The following CNTNAP4 variants were observed in gnomAD, a reference collection of about 807,000 sequenced individuals.
The protein encoded by CNTNAP4 is contactin associated protein family member 4.
CNTNAP4 carries 98 observed loss-of-function variants against 148.4 expected under a neutral mutation model. The observed-to-expected ratio is 0.66, with a 90% CI of 0.56 to 0.78. The LOEUF is 0.78. Ranked by LOEUF, CNTNAP4 falls within the 30% of genes least tolerant of loss-of-function variation. CNTNAP4 has a pLI of 0.00. For missense variants in CNTNAP4, 1,935 were observed against 1,565.6 expected, an observed-to-expected ratio of 1.24 and a Z score of -3.98; for synonymous variants, 730 against 565.1, an observed-to-expected ratio of 1.29 and a Z score of -4.14.
At chr16:76,545,207 A>C (rs2084658511) in intron 21 of CNTNAP4, among the ~76,000 whole-genome samples, 1 of 152,198 alleles carries the variant, frequency 6.6e-6, no homozygotes, top group Non-Finnish European at 1.5e-5. Flanking sequence ...TTTAATAATT[A>C]AAATGTCATA....
chr16:76,352,105 G>T (rs1012799065), intron 2 of CNTNAP4, among the ~76,000 whole-genome samples: 3 of 152,008 alleles, frequency 2.0e-5, no homozygotes, highest in Non-Finnish European at 4.4e-5. Flanking sequence ...GACATTATAG[G>T]GGCATTTCAT....
chr16:76,503,140 A>T (rs2082716154), intron 15 of CNTNAP4, among the ~76,000 whole-genome samples: 1 of 152,204 alleles, frequency 6.6e-6, no homozygotes, highest in Non-Finnish European at 1.5e-5. Context: ...TGAAAATCTG[A>T]TAGCTAATGT....
chr16:76,293,871 G>A (rs1959180390), intron 1 of CNTNAP4, among the ~76,000 whole-genome samples: 1 of 148,520 alleles, frequency 6.7e-6, no homozygotes. Flanking sequence ...GTGACTGAAT[G>A]TAGCATTTTT....
chr16:76,499,198 A>AT (rs1555578395), intron 15 of CNTNAP4, among the ~76,000 whole-genome samples: 1 of 151,590 alleles, frequency 6.6e-6, no homozygotes, highest in East Asian at 1.9e-4. Flanking sequence ...CTCCTGCACA[A>AT]TTTTTTTAAT....
At chr16:76,351,994 A>G (rs933688697) in intron 2 of CNTNAP4, among the ~76,000 whole-genome samples, 7 of 152,202 alleles carry the variant, frequency 4.6e-5, no homozygotes, top group Admixed American at 1.3e-4. Context: ...GACCATTACA[A>G]TTAACTAGAA....
At chr16:76,532,122 A>G (rs1326465275) in intron 17 of CNTNAP4, among the ~76,000 whole-genome samples, 2 of 152,204 alleles carry the variant, frequency 1.3e-5, no homozygotes, top group African/African-American at 4.8e-5. Flanking sequence ...TTGATTTCAT[A>G]TAGTTTCATA....
intron 3 of CNTNAP4, among the ~76,000 whole-genome samples, chr16:76,376,680 A>G (rs1222347931): frequency 6.6e-6 from 1 of 152,186 alleles, no homozygotes. Context: ...AACTGTGCAT[A>G]CACAGGAACT....
intron 15 of CNTNAP4, among the ~76,000 whole-genome samples, chr16:76,516,139 G>T (rs1023178897): frequency 1.6e-5 from 2 of 126,890 alleles, no homozygotes; most frequent in Non-Finnish European, 3.1e-5. Flanking sequence ...TCCCCTCTCT[G>T]TGTCCATGTA....
chr16:76,412,052 A>G (rs758447336), intron 3 of CNTNAP4, among the ~76,000 whole-genome samples: 19 of 151,574 alleles, frequency 1.3e-4, no homozygotes, highest in Non-Finnish European at 2.8e-4. Flanking sequence ...GAATCATACT[A>G]TATGAACTTT....
chr16:76,505,570 C>G (rs2082812307), intron 15 of CNTNAP4, among the ~76,000 whole-genome samples: 1 of 96,874 alleles, frequency 1.0e-5, no homozygotes, highest in African/African-American at 2.6e-5. Flanking sequence ...GTTTCAGGTC[C>G]TTTTCAACTT....
rs201517436 is a variant in CNTNAP4 at position 76,539,735 on chromosome 16, G to T, written c.3237G>T (p.Arg1079Ser). The T allele has an allele frequency of 1.2e-4, 194 of 1,597,672 alleles. No homozygotes were observed. The highest frequency in any genetic ancestry group is 8.6e-4 in the Middle Eastern group (5 of 5,784). The change falls in exon 20 of 24, where the codon AGG becomes AGT. Residue 1079 changes from arginine to serine, a missense_variant. Physicochemically the swap from Arg to Ser is moderately radical, Grantham distance 110. Coordinates refer to ENST00000611870, the MANE Select transcript of CNTNAP4 (RefSeq NM_033401.5). ...IIAKNGSLQI[R>S]YKLNKYQEPD... ...CCACTCTAGGAAGTTTGCAGATCAG[G>T]TACAAGTTAAATAAATATCAAGAGC...
At chr16:76,285,148 T>C (rs1958830175) in intron 1 of CNTNAP4, among the ~76,000 whole-genome samples, 1 of 151,930 alleles carries the variant, frequency 6.6e-6, no homozygotes, top group African/African-American at 2.4e-5. Flanking sequence ...AGGAAGTGGA[T>C]ATGCTTGGGT....
At chr16:76,460,773 A>ATATATATATAT (rs1555564517) in intron 8 of CNTNAP4, among the ~76,000 whole-genome samples, 6 of 57,324 alleles carry the variant, frequency 1.0e-4, no homozygotes, top group African/African-American at 3.2e-4. Flanking sequence ...AAAAAAAAAA[A>ATATATATATAT]ATATATATAT....
At chr16:76,457,438 T>C (rs1568251669) in intron 8 of CNTNAP4, among the ~76,000 whole-genome samples, 4 of 152,246 alleles carry the variant, frequency 2.6e-5, no homozygotes, top group Admixed American at 6.5e-5. Flanking sequence ...ATTCACAACC[T>C]GTAACCTGCT....
intron 3 of CNTNAP4, among the ~76,000 whole-genome samples, chr16:76,378,054 G>A (rs1280360885): frequency 1.3e-5 from 2 of 152,124 alleles, no homozygotes; most frequent in Non-Finnish European, 2.9e-5. Flanking sequence ...CAGGCTGCTC[G>A]AATCCAGAGA....
chr16:76,335,405 C>A (rs1421745372), intron 2 of CNTNAP4, among the ~76,000 whole-genome samples: 1 of 152,118 alleles, frequency 6.6e-6, no homozygotes, highest in East Asian at 1.9e-4. Context: ...GGGAACAAAG[C>A]TCATTGTTCC....
intron 12 of CNTNAP4, among the ~76,000 whole-genome samples, chr16:76,480,992 G>A (rs12445632): frequency 0.04 from 6,048 of 152,190 alleles, 264 homozygotes; most frequent in African/African-American, 0.1. Context: ...CTGGATATAG[G>A]CATTATACTG....
chr16:76,316,570 G>C, intron 2 of CNTNAP4, 47 bp downstream of exon 2: 1 of 1,241,302 alleles, frequency 8.1e-7, no homozygotes, highest in Non-Finnish European at 1.2e-6. Context: ...AATCTCACTA[G>C]TTTTTCATTA....
intron 4 of CNTNAP4, among the ~76,000 whole-genome samples, chr16:76,435,841 G>C (rs1200690335): frequency 6.6e-6 from 1 of 152,114 alleles, no homozygotes; most frequent in African/African-American, 2.4e-5. Flanking sequence ...AACGTTAAAT[G>C]CAGAATACCT....
Sources: allele counts gnomAD v4.1 joint callset (sites outside exome capture counted in the v4.1 genomes callset), GRCh38; gene constraint gnomAD v4.1.1; transcripts MANE v1.5; gene names NCBI Gene and HGNC (gene_info 2026-07-23, HGNC 2026-07-21).